KCNJ6: variants seen among roughly 807,000 people sequenced by gnomAD.
KCNJ6 encodes the protein G protein-activated inward rectifier potassium channel 2.
In KCNJ6, 9 loss-of-function variants were observed where a neutral mutation model predicts 34.2. The ratio of observed to expected loss-of-function variants is 0.26; its 90% CI spans 0.16 to 0.46. The LOEUF (loss-of-function observed/expected upper bound fraction) is 0.46. Ranked by LOEUF, KCNJ6 falls within the 20% of genes least tolerant of loss-of-function variation. The pLI, the probability that KCNJ6 is intolerant of heterozygous loss-of-function variation, is 1.00. For synonymous variants in KCNJ6, 196 were observed against 207.1 expected (o/e 0.95, Z 0.46); for missense variants, 236 against 531.3 (o/e 0.44, Z 5.46).
At chr21:37,646,844 G>A (rs2054407250) in intron 3 of KCNJ6, among the ~76,000 whole-genome samples, 1 of 151,988 alleles carries the variant, frequency 6.6e-6, no homozygotes, top group South Asian at 2.1e-4. Context: ...CTAATTTGTT[G>A]TACTTTTTTA....
chr21:37,781,900 T>C (rs562356147), intron 2 of KCNJ6, among the ~76,000 whole-genome samples: 8 of 152,012 alleles, frequency 5.3e-5, no homozygotes, highest in Non-Finnish European at 1.0e-4. Context: ...TATAGGTAGG[T>C]AGGGTGAATA....
chr21:37,763,392 T>G (rs1192258430), intron 2 of KCNJ6, among the ~76,000 whole-genome samples: 1 of 152,082 alleles, frequency 6.6e-6, no homozygotes, highest in African/African-American at 2.4e-5. Flanking sequence ...TCCTTTCTCC[T>G]CTCTTACTTC....
intron 1 of KCNJ6, among the ~76,000 whole-genome samples, chr21:37,874,647 C>A (rs1233242480): frequency 4.6e-5 from 7 of 152,226 alleles, no homozygotes; most frequent in Non-Finnish European, 1.0e-4. Flanking sequence ...CACTCAGCCA[C>A]ACCCACGCCT....
intron 2 of KCNJ6, among the ~76,000 whole-genome samples, chr21:37,718,374 T>A (rs796389115): frequency 5.9e-5 from 9 of 152,306 alleles, no homozygotes; most frequent in African/African-American, 1.7e-4. Flanking sequence ...GGAAGAAATA[T>A]ATGACACCTA....
chr21:37,649,158 A>AAAACG (rs1391652027), intron 3 of KCNJ6, among the ~76,000 whole-genome samples: 1 of 89,744 alleles, frequency 1.1e-5, no homozygotes, highest in Non-Finnish European at 2.3e-5. Context: ...AAAAAAAGAA[A>AAAACG]GAAAAAGAAA....
At position 37,736,482 on chromosome 21, in the gene KCNJ6, G is replaced by A. The variant is rs1445991962; in HGVS notation, c.26-21351C>T. ...CTAAATGCCTCTGAAATGCACTCTT[G>A]TAAATGGTTAATTTCACCTGAGAAA... On this transcript the variant is annotated intron_variant, in intron 2 of 3. Coordinates refer to ENST00000609713, the MANE Select transcript of KCNJ6 (RefSeq NM_002240.5). Among the ~76,000 whole-genome samples the A allele has an allele frequency of 3.9e-5, 6 of 152,292 alleles. No homozygotes were observed. In the South Asian group the frequency reaches 6.2e-4, roughly 16 times the overall value.
intron 3 of KCNJ6, among the ~76,000 whole-genome samples, chr21:37,647,314 C>T (rs531117278): frequency 4.6e-5 from 7 of 151,910 alleles, no homozygotes; most frequent in South Asian, 2.1e-4. Flanking sequence ...AAGACTTGGC[C>T]GACAGATGTG....
In KCNJ6 at chr21:37,609,224, TG is replaced by T. The variant is rs2054234274; in HGVS notation, c.*15934del. 2 of 152,186 alleles carry T rather than the reference TG, an allele frequency of 1.3e-5. No homozygotes were observed. The highest frequency in any genetic ancestry group is 2.9e-5 in the Non-Finnish European group (2 of 68,030). 9.4% of individuals were successfully genotyped at this position (152,186 alleles called of 1,614,324 possible). On this transcript the variant is annotated 3_prime_UTR_variant, in exon 4 of 4. Coordinates refer to ENST00000609713, the MANE Select transcript of KCNJ6 (RefSeq NM_002240.5). Reference sequence around the variant, plus strand: ...ACATGCACCCTAATGACCCTCAGCTTGGGGACCCAATTCTGACACCTGCTGG... The same window carrying T: ...ACATGCACCCTAATGACCCTCAGCTTGGGACCCAATTCTGACACCTGCTGG...
chr21:37,651,902 G>A (rs530152000), intron 3 of KCNJ6, among the ~76,000 whole-genome samples: 7 of 152,220 alleles, frequency 4.6e-5, no homozygotes, highest in African/African-American at 9.6e-5. Context: ...TCCATCCTGC[G>A]GGCTTGTAAC....
At position 37,798,437 on chromosome 21, in the gene KCNJ6, C is replaced by T. The variant is rs75478418; in HGVS notation, c.25+42221G>A. Among the ~76,000 whole-genome samples, 906 of 152,270 alleles carry T rather than the reference C, an allele frequency of 5.9e-3. 8 individuals are homozygous for T. The highest frequency in any genetic ancestry group is 0.021 in the African/African-American group (857 of 41,554). ...ATTTGAGTGCAGTTACCCTGTAGTG[C>T]TGCCCCAAGAGAAAGAAAACATATG... On this transcript the variant is annotated intron_variant, in intron 2 of 3. Coordinates refer to ENST00000609713, the MANE Select transcript of KCNJ6 (RefSeq NM_002240.5).
chr21:37,843,310 C>T (rs1305564523), intron 1 of KCNJ6, among the ~76,000 whole-genome samples: 1 of 152,120 alleles, frequency 6.6e-6, no homozygotes, highest in Non-Finnish European at 1.5e-5. Context: ...TTTCCTCTTC[C>T]CTGTAGTTAA....
At chr21:37,816,201 T>C (rs1031739834) in intron 2 of KCNJ6, among the ~76,000 whole-genome samples, 7 of 152,190 alleles carry the variant, frequency 4.6e-5, no homozygotes, top group African/African-American at 1.4e-4. Flanking sequence ...TTTATTGACC[T>C]TTGGCTGTGT....
intron 2 of KCNJ6, among the ~76,000 whole-genome samples, chr21:37,782,838 G>A (rs182759229): frequency 1.6e-3 from 238 of 152,210 alleles, no homozygotes; most frequent in Middle Eastern, 0.01. Flanking sequence ...TGTTGTCTTG[G>A]TGTAAATATT....
chr21:37,751,734 C>G (rs1402001252), intron 2 of KCNJ6, among the ~76,000 whole-genome samples: 1 of 152,084 alleles, frequency 6.6e-6, no homozygotes, highest in Non-Finnish European at 1.5e-5. Flanking sequence ...CACAACATTC[C>G]CACACTCTTA....
chr21:37,714,261 T>G lies in KCNJ6; in HGVS notation c.896A>C (p.Lys299Thr). Residue 299 changes from lysine to threonine, a missense_variant, in exon 3 of 4, where the codon AAA becomes ACA. Physicochemically the swap from Lys to Thr is moderately conservative, Grantham distance 78 (BLOSUM62 -1). This residue lies in a region of KCNJ6 where 60 missense variants were observed against 207.3 expected (regional missense o/e 0.29). Transcript: ENST00000609713. This position sits in a 1 kb window ranked among gnomAD's most constrained non-coding sequence, Gnocchi z 5.9. ...FWEISKAQLP[K>T]EELEIVVILE... ...GATGACCACAATTTCCAGTTCCTCT[T>G]TGGGCAGCTGGGCTTTGGAGATCTC... 1 of 1,614,148 alleles carries G rather than the reference T, an allele frequency of 6.2e-7. No individual in the cohort carries two copies.
intron 2 of KCNJ6, among the ~76,000 whole-genome samples, chr21:37,783,255 G>A (rs968784785): frequency 4.6e-5 from 7 of 152,138 alleles, no homozygotes; most frequent in African/African-American, 1.7e-4. Context: ...CAAAATATCT[G>A]TGTGGTTTGG....
intron 3 of KCNJ6, among the ~76,000 whole-genome samples, chr21:37,628,740 TAATC>T (rs2054321458): frequency 6.6e-6 from 1 of 152,170 alleles, no homozygotes; most frequent in Admixed American, 6.5e-5. Context: ...AGACACATCA[TAATC>T]AAACTGTTGA....
chr21:37,875,539 T>C (rs1324971662), intron 1 of KCNJ6, among the ~76,000 whole-genome samples: 1 of 152,116 alleles, frequency 6.6e-6, no homozygotes, highest in African/African-American at 2.4e-5. Context: ...TTCCTCGGGG[T>C]TTAATTGCTG....
chr21:37,701,250 G>A (rs530933509), intron 3 of KCNJ6, among the ~76,000 whole-genome samples: 1 of 152,186 alleles, frequency 6.6e-6, no homozygotes, highest in Admixed American at 6.5e-5. Flanking sequence ...ACAGAGCCCT[G>A]GGGAACCACC....
Sources: gnomAD v4.1 joint callset for allele counts (sites outside exome capture counted in the v4.1 genomes callset) on GRCh38, gnomAD v4.1.1 for gene constraint, gnomAD v4.1.1 regional missense constraint, Gnocchi (gnomAD v3.1) non-coding constraint, MANE v1.5 for transcripts, NCBI Gene and HGNC (gene_info 2026-07-23, HGNC 2026-07-21) for gene names.